Variants in NDST3 observed in about 807,000 individuals in gnomAD.
NDST3 encodes the protein N-deacetylase and N-sulfotransferase 3, also known as bifunctional heparan sulfate N-deacetylase/N-sulfotransferase 3.
In NDST3, 58 loss-of-function variants were observed where a neutral mutation model predicts 96.1. The ratio of observed to expected loss-of-function variants is 0.60; its 90% CI spans 0.49 to 0.75. The LOEUF (loss-of-function observed/expected upper bound fraction) is 0.75, where lower values mean the gene tolerates loss of function less well. NDST3 is among the 30% of genes least tolerant of loss of function. The probability of loss-of-function intolerance (pLI) is 0.00; values close to 1 mark genes in which losing one functional copy is unlikely to be tolerated. For missense variants in NDST3, 788 were observed against 1,034.2 expected, an observed-to-expected ratio of 0.76 and a Z score of 3.27; for synonymous variants, 333 against 359.7, an observed-to-expected ratio of 0.93 and a Z score of 0.84.
At chr4:118,217,573 T>G (rs1739272707) in intron 6 of NDST3, among the ~76,000 whole-genome samples, 1 of 152,096 alleles carries the variant, frequency 6.6e-6, no homozygotes, top group African/African-American at 2.4e-5. Context: ...TTCATTGCCC[T>G]ATATAAAAAT....
intron 2 of NDST3, among the ~76,000 whole-genome samples, chr4:118,079,506 T>C (rs1027201939): frequency 6.6e-6 from 1 of 152,056 alleles, no homozygotes; most frequent in Non-Finnish European, 1.5e-5. Flanking sequence ...CCTGGTGTAA[T>C]CGAGAGAGAG....
At chr4:118,143,418 T>C (rs1158519298) in intron 5 of NDST3, 138 bp from the exon 6 acceptor site, 2 of 765,026 alleles carry the variant, frequency 2.6e-6, no homozygotes, top group Non-Finnish European at 4.1e-6. Flanking sequence ...GCCTAGAGTA[T>C]GATAGATTGT....
chr4:118,139,501 A>G (rs1578712125), intron 5 of NDST3, among the ~76,000 whole-genome samples: 1 of 152,182 alleles, frequency 6.6e-6, no homozygotes, highest in Non-Finnish European at 1.5e-5. Flanking sequence ...ATTACACAAT[A>G]AGCGAGAGAA....
intron 2 of NDST3, among the ~76,000 whole-genome samples, chr4:118,072,108 AC>A (rs1213925120): frequency 1.3e-5 from 2 of 152,084 alleles, no homozygotes; most frequent in Non-Finnish European, 2.9e-5. Context: ...TAGTACCAAT[AC>A]CATGCTGTTT....
chr4:118,193,835 G>T (rs1182152581), intron 6 of NDST3: 4 of 1,358,248 alleles, frequency 2.9e-6, no homozygotes, highest in East Asian at 2.3e-5. Context: ...CAGTTGAAGG[G>T]CCTGTGCCTT....
chr4:118,221,910 A>C (rs1019623861), intron 6 of NDST3, among the ~76,000 whole-genome samples: 2 of 151,828 alleles, frequency 1.3e-5, no homozygotes, highest in Admixed American at 1.3e-4. Context: ...TATAAATGCA[A>C]TTGTCACTTC....
At chr4:118,232,940 G>T in intron 8 of NDST3, 72 bp from the exon 9 acceptor site, 1 of 1,384,242 alleles carries the variant, frequency 7.2e-7, no homozygotes, top group Non-Finnish European at 1.0e-6. Context: ...ATTTATTCAT[G>T]ACTTTAAAGT....
At chr4:118,072,379 T>A (rs1392303082) in intron 2 of NDST3, among the ~76,000 whole-genome samples, 1 of 152,118 alleles carries the variant, frequency 6.6e-6, no homozygotes, top group East Asian at 1.9e-4. Flanking sequence ...TGCTATTCCT[T>A]TCTTTGTGTT....
chr4:118,191,296 T>C (rs1737285894), intron 6 of NDST3, among the ~76,000 whole-genome samples: 1 of 152,126 alleles, frequency 6.6e-6, no homozygotes, highest in Non-Finnish European at 1.5e-5. Context: ...ATTAAAACAA[T>C]GGGAAGAGTT....
chr4:118,047,517 G>C (rs772428748), intron 1 of NDST3, among the ~76,000 whole-genome samples: 1 of 152,186 alleles, frequency 6.6e-6, no homozygotes, highest in Non-Finnish European at 1.5e-5. Context: ...TACTATCCAA[G>C]AGATGAAATA....
chr4:118,209,473 T>G (rs564344984), intron 6 of NDST3, among the ~76,000 whole-genome samples: 7 of 152,216 alleles, frequency 4.6e-5, no homozygotes, highest in Non-Finnish European at 7.4e-5. Context: ...GATGTTCTCA[T>G]GACATGTAAA....
At chr4:118,058,864 T>A (rs1247242909) in intron 2 of NDST3, among the ~76,000 whole-genome samples, 1 of 152,098 alleles carries the variant, frequency 6.6e-6, no homozygotes, top group Non-Finnish European at 1.5e-5. Context: ...TAATAACCCA[T>A]GTGATCTTTT....
At chr4:118,100,991 T>A (rs887692199) in intron 2 of NDST3, among the ~76,000 whole-genome samples, 2 of 152,152 alleles carry the variant, frequency 1.3e-5, no homozygotes, top group African/African-American at 4.8e-5. Flanking sequence ...AAATAGTATA[T>A]GATTGACTAT....
intron 1 of NDST3, among the ~76,000 whole-genome samples, chr4:118,045,438 A>T (rs1053277804): frequency 1.3e-5 from 2 of 152,302 alleles, no homozygotes; most frequent in Admixed American, 6.5e-5. Flanking sequence ...TCTGCTGAAC[A>T]TTTATATTTT....
Position 118,113,149 on chromosome 4 carries a change from C to T in NDST3, c.1070-1657C>T, listed in dbSNP as rs1006054274. On this transcript the variant is annotated intron_variant, in intron 3 of 13. Transcript: ENST00000296499. ...CCAAAAATAAAATAGGTACTGCTGT[C>T]CATCTCTTTACCTACATGAATACAG... Among the ~76,000 whole-genome samples the T allele has an allele frequency of 2.0e-5, 3 of 152,106 alleles. No individual in the cohort carries two copies. In the South Asian group the frequency reaches 6.2e-4, roughly 32 times the overall value.
chr4:118,108,133 G>A (rs1432377637), intron 3 of NDST3, among the ~76,000 whole-genome samples: 1 of 152,160 alleles, frequency 6.6e-6, no homozygotes, highest in Non-Finnish European at 1.5e-5. Flanking sequence ...CATGAGAACA[G>A]TATGGGGGAA....
chr4:118,116,002 C>T (rs190357612), intron 4 of NDST3, among the ~76,000 whole-genome samples: 3 of 152,006 alleles, frequency 2.0e-5, no homozygotes, highest in African/African-American at 7.2e-5. Context: ...CATGCTGATA[C>T]TGTGAAAATG....
intron 2 of NDST3, among the ~76,000 whole-genome samples, chr4:118,071,510 G>A (rs1284118675): frequency 6.6e-6 from 1 of 152,120 alleles, no homozygotes; most frequent in Non-Finnish European, 1.5e-5. Context: ...AGAACATGCA[G>A]TATTTGGCTT....
intron 6 of NDST3, among the ~76,000 whole-genome samples, chr4:118,155,718 T>C (rs544450358): frequency 6.6e-6 from 1 of 152,284 alleles, no homozygotes; most frequent in South Asian, 2.1e-4. Flanking sequence ...TGTCATTTGG[T>C]TTACAGTTTC....
Sources: gnomAD v4.1 joint callset for allele counts (sites outside exome capture counted in the v4.1 genomes callset) on GRCh38, gnomAD v4.1.1 for gene constraint, MANE v1.5 for transcripts, NCBI Gene and HGNC (gene_info 2026-07-23, HGNC 2026-07-21) for gene names.